HS3ST5: variants seen among roughly 807,000 people sequenced by gnomAD.
HS3ST5 encodes the protein heparan sulfate glucosamine 3-O-sulfotransferase 5.
A neutral mutation model predicts 25.4 loss-of-function variants in HS3ST5; 10 were observed. The ratio of observed to expected loss-of-function variants is 0.39; its 90% confidence interval spans 0.24 to 0.67. The LOEUF (loss-of-function observed/expected upper bound fraction) is 0.67. HS3ST5 is among the 30% of genes least tolerant of loss of function. HS3ST5 has a pLI of 0.44. For synonymous variants in HS3ST5, 170 were observed against 162.4 expected, an observed-to-expected ratio of 1.05 and a Z score of -0.36; for missense variants, 324 against 420.7, an observed-to-expected ratio of 0.77 and a Z score of 2.01.
At chr6:114,073,335 A>G (rs1773936652) in intron 3 of HS3ST5, among the ~76,000 whole-genome samples, 1 of 152,252 alleles carries the variant, frequency 6.6e-6, no homozygotes, top group African/African-American at 2.4e-5. Context: ...AAAAGAAACT[A>G]TCATCAGAGT....
chr6:114,276,545 AT>A (rs1183632244), intron 1 of HS3ST5, among the ~76,000 whole-genome samples: 3 of 151,436 alleles, frequency 2.0e-5, no homozygotes, highest in Non-Finnish European at 4.4e-5. Flanking sequence ...ATGAGTACAA[AT>A]TCCATTTACA....
chr6:114,307,686 C>T (rs1038603760), intron 1 of HS3ST5, among the ~76,000 whole-genome samples: 6 of 151,734 alleles, frequency 4.0e-5, no homozygotes, highest in African/African-American at 1.5e-4. Context: ...GATGAATTGG[C>T]GTTTACTAGT....
chr6:114,168,396 T>C lies in HS3ST5; in HGVS notation c.-78A>G, dbSNP rs1582674640. The C allele has an allele frequency of 6.6e-6, 1 of 152,222 alleles. No individual in the cohort carries two copies. The highest frequency in any genetic ancestry group is 1.5e-5 in the Non-Finnish European group (1 of 68,060). The allele number at this position is 152,222 out of a possible 1,614,324, so 9.4% of individuals were successfully genotyped here. A position where few individuals can be genotyped will look rare whatever the true frequency, so the allele number is the denominator to read the frequency against. On this transcript the variant is annotated 5_prime_UTR_variant, in exon 3 of 5. Transcript: ENST00000312719. ...ATTATTCCAGCGATGATTATCTTGT[T>C]GGCGGGTATTCCATGGCCTCTCCTC...
intron 1 of HS3ST5, among the ~76,000 whole-genome samples, chr6:114,306,276 C>CATATAT (rs1380560449): frequency 1.4e-5 from 2 of 146,190 alleles, no homozygotes; most frequent in African/African-American, 5.1e-5. Flanking sequence ...CACACACACA[C>CATATAT]ACATATATAT....
intron 1 of HS3ST5, among the ~76,000 whole-genome samples, chr6:114,306,921 T>A (rs899547672): frequency 4.6e-5 from 7 of 152,318 alleles, no homozygotes; most frequent in African/African-American, 1.4e-4. Flanking sequence ...CATTTCAACA[T>A]CTATTTCTCC....
At chr6:114,062,305 A>C (rs1389699287) in intron 4 of HS3ST5, among the ~76,000 whole-genome samples, 1 of 152,130 alleles carries the variant, frequency 6.6e-6, no homozygotes, top group East Asian at 1.9e-4. Context: ...AAACTCGATG[A>C]GCTCCTTTAG....
chr6:114,229,923 A>AT lies in HS3ST5; in HGVS notation c.-338-1146dup, dbSNP rs1771495088. Among the ~76,000 whole-genome samples, 5 of 152,202 alleles carry AT rather than the reference A, an allele frequency of 3.3e-5. No individual in the cohort carries two copies. In the South Asian group the frequency reaches 1.0e-3, roughly 31 times the overall value. On this transcript the variant is annotated intron_variant, in intron 1 of 4. Transcript: ENST00000312719. ...AATAGCACTAATGGCTTTCCCTGAA[A>AT]TTCTACCTGTGTAAACCATTCAGTT...
At chr6:114,073,425 G>A (rs1380085061) in intron 3 of HS3ST5, among the ~76,000 whole-genome samples, 1 of 152,132 alleles carries the variant, frequency 6.6e-6, no homozygotes, top group Non-Finnish European at 1.5e-5. Context: ...AATCTACAAA[G>A]AGCTTAAACA....
chr6:114,242,778 G>A lies in HS3ST5; in HGVS notation c.-338-14000C>T, dbSNP rs1372698819. 5.9e-5 allele frequency among the ~76,000 whole-genome samples: 9 copies of A among 151,802 alleles called. No individual in the cohort carries two copies. The South Asian group carries it at 6.2e-4, about 11-fold the overall frequency. ...TGAGGCAGGAGAATGGCGTGAACCC[G>A]GGAAGCGGAGCTTGCAGTGAGCCGA... On this transcript the variant is annotated intron_variant, in intron 1 of 4. Transcript: ENST00000312719.
chr6:114,207,418 A>G (rs1781318739), intron 2 of HS3ST5, among the ~76,000 whole-genome samples: 1 of 152,208 alleles, frequency 6.6e-6, no homozygotes, highest in Non-Finnish European at 1.5e-5. Context: ...TATTGAAACA[A>G]AAAACAATAC....
chr6:114,096,789 C>T (rs999868203), intron 3 of HS3ST5, among the ~76,000 whole-genome samples: 2 of 151,856 alleles, frequency 1.3e-5, no homozygotes, highest in African/African-American at 4.8e-5. Context: ...GGTGGGAGGC[C>T]TGACTATCAC....
chr6:114,248,932 C>T (rs971554032), intron 1 of HS3ST5, among the ~76,000 whole-genome samples: 1 of 152,142 alleles, frequency 6.6e-6, no homozygotes, highest in Non-Finnish European at 1.5e-5. Flanking sequence ...GTAGCAGACA[C>T]TTTAGGTGGA....
chr6:114,188,700 G>A (rs1780348169), intron 2 of HS3ST5, among the ~76,000 whole-genome samples: 1 of 151,920 alleles, frequency 6.6e-6, no homozygotes, highest in Admixed American at 6.6e-5. Flanking sequence ...CACTCTTGGA[G>A]GAAAAGGCTT....
At position 114,151,322 on chromosome 6, in the gene HS3ST5, G is replaced by GA. The variant is rs538602785; in HGVS notation, c.-33+17028dup. Among the ~76,000 whole-genome samples, 36 of 152,282 alleles carry GA rather than the reference G, an allele frequency of 2.4e-4. 1 individual carries two copies. The East Asian group carries it at 6.6e-3, about 28-fold the overall frequency. ...GTTGCTAAGATGTTCTCATTATATG[G>GA]AACAGAATTCAGCAGGTGTTTGATT... On this transcript the variant is annotated intron_variant, in intron 3 of 4. Coordinates refer to ENST00000312719, the MANE Select transcript of HS3ST5 (RefSeq NM_153612.4).
At chr6:114,110,128 A>G (rs899540207) in intron 3 of HS3ST5, among the ~76,000 whole-genome samples, 2 of 152,158 alleles carry the variant, frequency 1.3e-5, no homozygotes, top group Non-Finnish European at 2.9e-5. Context: ...ACCTCTTGGG[A>G]TGACTTTTTG....
intron 1 of HS3ST5, among the ~76,000 whole-genome samples, chr6:114,252,184 C>G (rs2114631033): frequency 6.6e-6 from 1 of 152,032 alleles, no homozygotes; most frequent in East Asian, 1.9e-4. Context: ...AGTACTCTAA[C>G]ACTGTAAGTG....
At chr6:114,154,138 G>A (rs1778587839) in intron 3 of HS3ST5, among the ~76,000 whole-genome samples, 1 of 152,198 alleles carries the variant, frequency 6.6e-6, no homozygotes, top group Non-Finnish European at 1.5e-5. Flanking sequence ...GGTAAGAAGG[G>A]AAAGGAGATG....
chr6:114,137,427 T>G (rs1777680313), intron 3 of HS3ST5, among the ~76,000 whole-genome samples: 1 of 152,190 alleles, frequency 6.6e-6, no homozygotes, highest in South Asian at 2.1e-4. Flanking sequence ...AAATATTTAG[T>G]ATATCATTGC....
chr6:114,321,957 C>T (rs1005589818), intron 1 of HS3ST5, among the ~76,000 whole-genome samples: 3 of 152,086 alleles, frequency 2.0e-5, no homozygotes, highest in Non-Finnish European at 2.9e-5. Context: ...GTGGAAAAGC[C>T]ACTTATTTTC....
Sources: allele counts gnomAD v4.1 joint callset (sites outside exome capture counted in the v4.1 genomes callset), GRCh38; gene constraint gnomAD v4.1.1; transcripts MANE v1.5; gene names NCBI Gene and HGNC (gene_info 2026-07-23, HGNC 2026-07-21).